The following GAN variants were observed in gnomAD, a reference collection of about 807,000 sequenced individuals.
GAN encodes gigaxonin.
A neutral mutation model predicts 71.3 loss-of-function variants in GAN; 48 were observed. The observed-to-expected ratio is 0.67, with a 90% CI of 0.53 to 0.86. GAN has a LOEUF of 0.86. Ranked by LOEUF, GAN falls within the 40% of genes least tolerant of loss-of-function variation. GAN has a pLI of 0.00. For synonymous variants in GAN, 386 were observed against 276.8 expected, an observed-to-expected ratio of 1.39 and a Z score of -3.92; for missense variants, 928 against 770.1, an observed-to-expected ratio of 1.21 and a Z score of -2.43.
chr16:81,316,921 T>C (rs1909062575), intron 1 of GAN, among the ~76,000 whole-genome samples: 1 of 152,182 alleles, frequency 6.6e-6, no homozygotes, highest in Admixed American at 6.5e-5. Context: ...TGCAGTGGCG[T>C]GATCTCGGCC....
intron 9 of GAN, among the ~76,000 whole-genome samples, chr16:81,368,219 C>T (rs907299233): frequency 3.3e-5 from 5 of 152,188 alleles, no homozygotes; most frequent in African/African-American, 1.2e-4. Context: ...GCTTCATATA[C>T]CCAGAATGAC....
At position 81,384,504 on chromosome 16, in the gene GAN, G is replaced by A. The variant is rs1236967052; in HGVS notation, c.*6908G>A. On this transcript the variant is annotated 3_prime_UTR_variant, in exon 11 of 11. Coordinates refer to ENST00000648994, the MANE Select transcript of GAN (RefSeq NM_022041.4). ...GGGGGCTCGATTTCCATTCTTGTTA[G>A]CATCAGACAAGAAAATGTGTCTATC... 3.9e-5 allele frequency: 6 copies of A among 152,176 alleles called. No individual in the cohort carries two copies. In the South Asian group the frequency reaches 1.0e-3, roughly 26 times the overall value. The allele number at this position is 152,176 out of a possible 1,614,324, so 9.4% of individuals were successfully genotyped here. A position where few individuals can be genotyped will look rare whatever the true frequency, so the allele number is the denominator to read the frequency against.
intron 1 of GAN, among the ~76,000 whole-genome samples, chr16:81,348,650 C>T (rs559241168): frequency 3.9e-5 from 6 of 152,312 alleles, no homozygotes; most frequent in African/African-American, 9.6e-5. Flanking sequence ...AGTAATACTA[C>T]GTTTTCTGTG....
At chr16:81,330,600 A>G (rs185188306) in intron 1 of GAN, among the ~76,000 whole-genome samples, 3 of 152,398 alleles carry the variant, frequency 2.0e-5, no homozygotes, top group Admixed American at 1.3e-4. Flanking sequence ...CAATTCGTAT[A>G]TGTAGAAGAA....
At chr16:81,372,242 C>G (rs1386059152) in intron 9 of GAN, among the ~76,000 whole-genome samples, 3 of 152,234 alleles carry the variant, frequency 2.0e-5, no homozygotes, top group African/African-American at 7.2e-5. Flanking sequence ...AACATTATAA[C>G]TGAAGACATG....
Position 81,354,737 on chromosome 16 carries a change from T to C in GAN, c.615T>C (p.His205=), listed in dbSNP as rs1404698710. The C allele has an allele frequency of 2.5e-6, 4 of 1,591,972 alleles. No individual in the cohort carries two copies. Among genetic ancestry groups the C allele is most frequent in the East Asian group, 4.5e-5 (2 of 44,780 alleles). ...AAGCAGTAATTCGATGGATAGCACA[T>C]GATACAGAAATAAGAAAGGTACCTG... ...VFEAVIRWIA[H]DTEIRKVHMK... The change falls in exon 3 of 11, where the codon CAT becomes CAC. Residue 205 remains histidine (H), a synonymous_variant. Coordinates refer to ENST00000648994, the MANE Select transcript of GAN (RefSeq NM_022041.4).
intron 1 of GAN, among the ~76,000 whole-genome samples, chr16:81,334,719 A>C (rs567494960): frequency 6.6e-6 from 1 of 152,276 alleles, no homozygotes; most frequent in East Asian, 1.9e-4. Context: ...AGGACAAACC[A>C]GTGGGATGGA....
intron 1 of GAN, among the ~76,000 whole-genome samples, chr16:81,347,828 C>T (rs1052081503): frequency 2.0e-5 from 3 of 152,038 alleles, no homozygotes; most frequent in East Asian, 1.9e-4. Flanking sequence ...CTTTATTTCT[C>T]GTATCCTGAA....
In GAN at chr16:81,356,830, G is replaced by T. The variant is rs1265208461; in HGVS notation, c.679G>T (p.Asp227Tyr). ...GTCAGCTCTGTGGGTTTCAGGGTTGGACTCCAGTTATTTACGGGAACAGAT... is the reference window on the plus strand; with the variant it reads ...GTCAGCTCTGTGGGTTTCAGGGTTGTACTCCAGTTATTTACGGGAACAGAT... ...VMSALWVSGLDSSYLREQMLN... is the reference protein window; with the variant it reads ...VMSALWVSGLYSSYLREQMLN... The change falls in exon 4 of 11, where the codon GAC becomes TAC. Residue 227 changes from aspartate (D) to tyrosine (Y), a missense_variant. Asp to Tyr is a radical substitution (Grantham distance 160, BLOSUM62 -3). Coordinates refer to ENST00000648994, the MANE Select transcript of GAN (RefSeq NM_022041.4). The T allele has an allele frequency of 3.1e-6, 5 of 1,613,904 alleles. No homozygotes were observed. Among genetic ancestry groups the T allele is most frequent in the Non-Finnish European group, 4.2e-6 (5 of 1,179,780 alleles).
rs1285339809 is a variant in GAN at position 81,380,573 on chromosome 16, G to C, written c.*2977G>C. The stretch of plus-strand genomic sequence containing the variant: ...AGAGATGAATGAGTGAGTTGTACGT[G>C]TGTGTGTGATGCTATTTGACCTGAT... On this transcript the variant is annotated 3_prime_UTR_variant, in exon 11 of 11. Coordinates refer to ENST00000648994, the MANE Select transcript of GAN (RefSeq NM_022041.4). The C allele has an allele frequency of 1.3e-5, 2 of 152,114 alleles. No homozygotes were observed. Among genetic ancestry groups the C allele is most frequent in the African/African-American group, 4.8e-5 (2 of 41,404 alleles). 9.4% of individuals were successfully genotyped at this position (152,114 alleles called of 1,614,324 possible).
Position 81,377,663 on chromosome 16 carries a change from G to T in GAN, c.*67G>T. The T allele has an allele frequency of 5.9e-6, 8 of 1,359,820 alleles. No individual in the cohort carries two copies. The South Asian group carries it at 9.3e-5, about 16-fold the overall frequency. 84.2% of individuals were successfully genotyped at this position (1,359,820 alleles called of 1,614,324 possible). A position where few individuals can be genotyped will look rare whatever the true frequency, so the allele number is the denominator to read the frequency against. ...CCATAACATAGCTCCGAAAGGGAGA[G>T]CAGAGATGGCAGCTGAAACTCACTC... On this transcript the variant is annotated 3_prime_UTR_variant, in exon 11 of 11. Coordinates refer to ENST00000648994, the MANE Select transcript of GAN (RefSeq NM_022041.4).
At chr16:81,365,968 A>G (rs1044336547) in intron 9 of GAN, among the ~76,000 whole-genome samples, 2 of 152,106 alleles carry the variant, frequency 1.3e-5, no homozygotes, top group Non-Finnish European at 2.9e-5. Context: ...TGACCCAGAT[A>G]CTTTATACCG....
chr16:81,340,242 A>T (rs1439194358), intron 1 of GAN, among the ~76,000 whole-genome samples: 1 of 152,182 alleles, frequency 6.6e-6, no homozygotes, highest in Non-Finnish European at 1.5e-5. Context: ...CCCAGCCAAA[A>T]CCTGTACTCA....
rs1413327030 is a variant in GAN at position 81,382,620 on chromosome 16, G to C, written c.*5024G>C. 6.6e-6 allele frequency: 1 copy of C among 150,830 alleles called. No individual in the cohort carries two copies. The highest frequency in any genetic ancestry group is 2.5e-5 in the African/African-American group (1 of 40,180). 9.3% of individuals were successfully genotyped at this position (150,830 alleles called of 1,614,324 possible). On this transcript the variant is annotated 3_prime_UTR_variant, in exon 11 of 11. Coordinates refer to ENST00000648994, the MANE Select transcript of GAN (RefSeq NM_022041.4). ...TAATTCTTGAAATACTCTTTACTCT[G>C]TCTGTAGTTTTGAGAAATTACAGAA...
intron 5 of GAN, among the ~76,000 whole-genome samples, chr16:81,358,337 G>A (rs904412761): frequency 6.6e-6 from 1 of 152,142 alleles, no homozygotes; most frequent in African/African-American, 2.4e-5. Flanking sequence ...ATATAAGGCC[G>A]AGTGTGGTGG....
intron 5 of GAN, among the ~76,000 whole-genome samples, chr16:81,361,554 A>G (rs1370878709): frequency 2.0e-5 from 3 of 152,198 alleles, no homozygotes; most frequent in African/African-American, 7.2e-5. Context: ...TTTCATCCCC[A>G]GGACAAAAGG....
intron 9 of GAN, among the ~76,000 whole-genome samples, chr16:81,373,860 A>C (rs1367120533): frequency 6.6e-6 from 1 of 152,186 alleles, no homozygotes; most frequent in Admixed American, 6.5e-5. Flanking sequence ...CTCCTGCCTC[A>C]GCCTCCCAAG....
chr16:81,364,592 G>A (rs1910787312), intron 7 of GAN, among the ~76,000 whole-genome samples: 1 of 152,182 alleles, frequency 6.6e-6, no homozygotes, highest in Non-Finnish European at 1.5e-5. Context: ...AGGAGGCTGA[G>A]GCGGAAGGAT....
At chr16:81,368,319 G>T (rs1225040310) in intron 9 of GAN, among the ~76,000 whole-genome samples, 1 of 152,136 alleles carries the variant, frequency 6.6e-6, no homozygotes, top group East Asian at 1.9e-4. Context: ...GGTCATCTTG[G>T]CTGGCACAGT....
Sources: gnomAD v4.1 joint callset for allele counts (sites outside exome capture counted in the v4.1 genomes callset) on GRCh38, gnomAD v4.1.1 for gene constraint, MANE v1.5 for transcripts, NCBI Gene and HGNC (gene_info 2026-07-23, HGNC 2026-07-21) for gene names.